Variants in SHANK2 observed in about 807,000 individuals in gnomAD.
The protein encoded by SHANK2 is SH3 and multiple ankyrin repeat domains 2.
A neutral mutation model predicts 133.7 loss-of-function variants in SHANK2; 43 were observed. The ratio of observed to expected loss-of-function variants is 0.32; its 90% confidence interval spans 0.25 to 0.41. The LOEUF (loss-of-function observed/expected upper bound fraction) is 0.41, where lower values mean the gene tolerates loss of function less well. SHANK2 is among the 10% of genes least tolerant of loss of function. The pLI is 1.00. For missense variants in SHANK2, 1,994 were observed against 2,235.8 expected (o/e 0.89, Z 2.18); for synonymous variants, 1,017 against 952.8 (o/e 1.07, Z -1.24).
intron 17 of SHANK2, among the ~76,000 whole-genome samples, chr11:70,656,573 G>A (rs983112844): frequency 1.6e-4 from 24 of 152,036 alleles, no homozygotes; most frequent in Admixed American, 1.2e-3. Flanking sequence ...AATCTGGGAC[G>A]GCTTAGTGTC....
intron 17 of SHANK2, among the ~76,000 whole-genome samples, chr11:70,560,568 G>C (rs933724473): frequency 7.5e-6 from 1 of 133,798 alleles, no homozygotes; most frequent in Non-Finnish European, 1.5e-5. Context: ...TCTAGAGTAA[G>C]CAAAACAACT....
intron 17 of SHANK2, among the ~76,000 whole-genome samples, chr11:70,602,529 T>G (rs1482017842): frequency 6.6e-6 from 1 of 152,144 alleles, no homozygotes; most frequent in African/African-American, 2.4e-5. Context: ...GACACATCAG[T>G]GATGGGACGG....
intron 3 of SHANK2, among the ~76,000 whole-genome samples, chr11:71,134,565 G>A (rs1555104417): frequency 6.6e-6 from 1 of 151,130 alleles, no homozygotes; most frequent in African/African-American, 2.4e-5. Context: ...TCAGCCTCCT[G>A]AGTAGCTGGG....
chr11:70,561,277 T>A (rs1554980811), intron 17 of SHANK2, among the ~76,000 whole-genome samples: 2 of 152,050 alleles, frequency 1.3e-5, no homozygotes, highest in Non-Finnish European at 2.9e-5. Context: ...CCTCAGCCTC[T>A]TGAGTAACTG....
intron 11 of SHANK2, among the ~76,000 whole-genome samples, chr11:70,878,021 C>T (rs1170419618): frequency 1.3e-5 from 2 of 152,200 alleles, no homozygotes; most frequent in East Asian, 3.8e-4. Flanking sequence ...TGCAGAGAAG[C>T]AGGAGGGAGA....
At position 70,622,402 on chromosome 11, in the gene SHANK2, A is replaced by G. The variant is rs1187625208; in HGVS notation, c.2061+37426T>C. Among the ~76,000 whole-genome samples, 4 of 152,124 alleles carry G rather than the reference A, an allele frequency of 2.6e-5. No homozygotes were observed. The South Asian group carries it at 8.3e-4, about 32-fold the overall frequency. Reference sequence around the variant, plus strand: ...GGTGTTTGATGTGGAACAGCCGCCAATGGGGCTTCCTGACCCTCTGTGCGA... The same window carrying G: ...GGTGTTTGATGTGGAACAGCCGCCAGTGGGGCTTCCTGACCCTCTGTGCGA... On this transcript the variant is annotated intron_variant, in intron 17 of 25. Coordinates refer to ENST00000601538, the MANE Select transcript of SHANK2 (RefSeq NM_012309.5).
At chr11:70,504,304 T>C (rs1045659998) in intron 17 of SHANK2, among the ~76,000 whole-genome samples, 1 of 152,224 alleles carries the variant, frequency 6.6e-6, no homozygotes, top group Non-Finnish European at 1.5e-5. Flanking sequence ...AAGAGCTGGA[T>C]AGAAGCAGGT....
At chr11:70,910,092 A>G (rs1950168052) in intron 10 of SHANK2, among the ~76,000 whole-genome samples, 1 of 152,102 alleles carries the variant, frequency 6.6e-6, no homozygotes, top group African/African-American at 2.4e-5. Flanking sequence ...TCCTATAGGG[A>G]CACTGGTCAT....
At chr11:70,785,749 GT>G (rs1555046325) in intron 14 of SHANK2, among the ~76,000 whole-genome samples, 1 of 152,198 alleles carries the variant, frequency 6.6e-6, no homozygotes, top group African/African-American at 2.4e-5. Flanking sequence ...AGGACAGGGG[GT>G]GCAGTGACAA....
chr11:71,196,980 A>C (rs1555116278), intron 2 of SHANK2, among the ~76,000 whole-genome samples: 10 of 135,730 alleles, frequency 7.4e-5, no homozygotes. Context: ...CCTTGGTGAC[A>C]GAGTGAGACT....
intron 10 of SHANK2, among the ~76,000 whole-genome samples, chr11:70,936,635 T>C (rs371887608): frequency 2.6e-5 from 4 of 152,348 alleles, no homozygotes; most frequent in African/African-American, 9.6e-5. Context: ...TTGTTGACAA[T>C]CATTTTGGTC....
chr11:70,735,113 A>C (rs1160990169), intron 14 of SHANK2, among the ~76,000 whole-genome samples: 3 of 152,172 alleles, frequency 2.0e-5, no homozygotes, highest in Admixed American at 2.0e-4. Context: ...GCCTCCCCCC[A>C]GGTGGGCAGG....
At chr11:70,635,055 G>T (rs1244529854) in intron 17 of SHANK2, 2 of 152,208 alleles carry the variant, frequency 1.3e-5, no homozygotes, top group Non-Finnish European at 2.9e-5. Flanking sequence ...AGAAAGTAAT[G>T]ACGCTGGTGA....
intron 14 of SHANK2, among the ~76,000 whole-genome samples, chr11:70,725,021 G>A (rs1324670454): frequency 6.6e-6 from 1 of 152,158 alleles, no homozygotes; most frequent in East Asian, 1.9e-4. Flanking sequence ...TGCCTACTAT[G>A]TGCCATAAGC....
chr11:71,132,020 C>T (rs1197798704), intron 3 of SHANK2, among the ~76,000 whole-genome samples: 1 of 152,196 alleles, frequency 6.6e-6, no homozygotes, highest in East Asian at 1.9e-4. Flanking sequence ...AGCACACAGA[C>T]GGAGCCATGA....
intron 2 of SHANK2, among the ~76,000 whole-genome samples, chr11:71,155,518 C>T (rs1590969007): frequency 6.6e-6 from 1 of 152,138 alleles, no homozygotes; most frequent in African/African-American, 2.4e-5. Flanking sequence ...CCCCCAGCCA[C>T]ACCCTCAACA....
intron 9 of SHANK2, among the ~76,000 whole-genome samples, chr11:71,070,924 C>T (rs954330083): frequency 1.3e-5 from 2 of 152,194 alleles, no homozygotes; most frequent in African/African-American, 4.8e-5. Context: ...GAGCCGGCAG[C>T]TGAGGCATAG....
intron 11 of SHANK2, among the ~76,000 whole-genome samples, chr11:70,889,586 G>A (rs1027973016): frequency 9.2e-5 from 14 of 152,344 alleles, no homozygotes; most frequent in African/African-American, 1.9e-4. Context: ...AACCACCAGC[G>A]GGATTTGAAA....
chr11:70,622,574 G>A (rs1554998261), intron 17 of SHANK2, among the ~76,000 whole-genome samples: 1 of 152,216 alleles, frequency 6.6e-6, no homozygotes, highest in Non-Finnish European at 1.5e-5. Context: ...TCAGCTCCAG[G>A]GGCTGCGGCC....
Sources: allele counts gnomAD v4.1 joint callset (sites outside exome capture counted in the v4.1 genomes callset), GRCh38; gene constraint gnomAD v4.1.1; transcripts MANE v1.5; gene names NCBI Gene and HGNC (gene_info 2026-07-23, HGNC 2026-07-21).